The following YME1L1 variants were observed in gnomAD, a reference collection of about 807,000 sequenced individuals.
YME1L1 encodes the protein YME1 like 1 ATPase, also known as ATP-dependent zinc metalloprotease YME1L1.
Under a neutral mutation model 90.4 loss-of-function variants are expected in YME1L1, and 39 were observed. That is an observed-to-expected ratio of 0.43 (90% CI 0.33 to 0.56). YME1L1 has a LOEUF of 0.56. Among genes scored for constraint, YME1L1 ranks in the 20% least tolerant of loss-of-function variants. The pLI is 0.03. For missense variants in YME1L1, 617 were observed against 868.4 expected (o/e 0.71, Z 3.64); for synonymous variants, 284 against 287.3 (o/e 0.99, Z 0.12).
intron 8 of YME1L1, among the ~76,000 whole-genome samples, chr10:27,128,615 G>A (rs1183857810): frequency 6.6e-6 from 1 of 151,726 alleles, no homozygotes; most frequent in Non-Finnish European, 1.5e-5. Context: ...GAAAAAGAAA[G>A]ATAAATCAGC....
chr10:27,117,596 G>T lies in YME1L1; in HGVS notation c.1699C>A (p.Arg567=). 1 of 1,613,922 alleles carries T rather than the reference G, an allele frequency of 6.2e-7. No individual in the cohort carries two copies. Among genetic ancestry groups the T allele is most frequent in the South Asian group, 1.1e-5 (1 of 91,060 alleles). ...MPINKATIMP[R]GPTLGHVSLL... The stretch of plus-strand genomic sequence containing the variant: ...CTTACATGTCCAAGTGTTGGCCCCC[G>T]TGGCATGATTGTAGCTTTGTTGATA... Residue 567 remains arginine (R), a synonymous_variant, in exon 15 of 19, where the codon CGG becomes AGG. Transcript: ENST00000376016.
intron 9 of YME1L1, among the ~76,000 whole-genome samples, chr10:27,126,372 C>T (rs535965484): frequency 1.3e-5 from 2 of 152,006 alleles, no homozygotes; most frequent in African/African-American, 2.4e-5. Flanking sequence ...GTGGCTACAG[C>T]GAGCCATGAT....
intron 2 of YME1L1, among the ~76,000 whole-genome samples, chr10:27,148,026 G>A (rs2057165309): frequency 1.3e-5 from 2 of 152,220 alleles, no homozygotes; most frequent in South Asian, 2.1e-4. Context: ...CCTGGGGATG[G>A]AGAACTCTTC....
chr10:27,126,498 A>G (rs577540587), intron 9 of YME1L1, among the ~76,000 whole-genome samples, 198 bp downstream of exon 9: 1 of 152,208 alleles, frequency 6.6e-6, no homozygotes, highest in Admixed American at 6.5e-5. Flanking sequence ...TTTAAATTTG[A>G]AAGTATATAA....
intron 10 of YME1L1, 100 bp downstream of exon 10, chr10:27,123,446 AT>A: frequency 7.2e-7 from 1 of 1,390,982 alleles, no homozygotes; most frequent in Non-Finnish European, 9.8e-7. Flanking sequence ...AAAAATAGAA[AT>A]TAAAAAAAGG....
Position 27,111,969 on chromosome 10 carries a change from GAGAGTT to G in YME1L1, c.*2_*7del. The G allele has an allele frequency of 1.9e-6, 3 of 1,613,912 alleles. No homozygotes were observed. The highest frequency in any genetic ancestry group is 2.5e-6 in the Non-Finnish European group (3 of 1,179,976). ...TAAAACCAGCAAGCATCCATATCAA[GAGAGTT>G]ATCATCTCACTTCCAACTTTTTCCC... On this transcript the variant is annotated 3_prime_UTR_variant, in exon 19 of 19. Coordinates refer to ENST00000376016, the MANE Select transcript of YME1L1 (RefSeq NM_014263.4).
chr10:27,136,401 C>T lies in YME1L1; in HGVS notation c.431-16G>A. The T allele has an allele frequency of 3.2e-6, 5 of 1,582,116 alleles. No individual in the cohort carries two copies. Among genetic ancestry groups the T allele is most frequent in the Non-Finnish European group, 4.3e-6 (5 of 1,154,838 alleles). On this transcript the variant is annotated splice_polypyrimidine_tract_variant and intron_variant, in intron 4 of 18. Transcript: ENST00000376016. ...TGTATGAAAACTAAATAAAACAATA[C>T]CATTCACTGTCACTATAAATTGTTA...
Position 27,120,146 on chromosome 10 carries a change from A to G in YME1L1, c.1411+289T>C, listed in dbSNP as rs74128571. 2.5e-3 allele frequency among the ~76,000 whole-genome samples: 388 copies of G among 152,178 alleles called. 3 individuals are homozygous for G. Among genetic ancestry groups the G allele is most frequent in the African/African-American group, 8.8e-3 (366 of 41,520 alleles). Reference sequence around the variant, plus strand: ...TTTTTTAAATTATTTTGCATTTTACATTCATCTTAAAAAAATGTGTGTGTG... The same window carrying G: ...TTTTTTAAATTATTTTGCATTTTACGTTCATCTTAAAAAAATGTGTGTGTG... On this transcript the variant is annotated intron_variant, in intron 13 of 18. Transcript: ENST00000376016.
At chr10:27,146,013 C>G (rs1287446502) in intron 2 of YME1L1, 1 of 154,854 alleles carries the variant, frequency 6.5e-6, no homozygotes, top group Non-Finnish European at 1.4e-5. Context: ...TTTATAATGA[C>G]AAGAGTGTAA....
chr10:27,123,407 C>T (rs2056885979), intron 10 of YME1L1, 140 bp downstream of exon 10: 11 of 941,486 alleles, frequency 1.2e-5, no homozygotes, highest in Non-Finnish European at 1.7e-5. Context: ...TCAATCAAAA[C>T]TAATTAGCAT....
chr10:27,115,204 C>T (rs2056799931), intron 17 of YME1L1, among the ~76,000 whole-genome samples: 1 of 152,042 alleles, frequency 6.6e-6, no homozygotes, highest in South Asian at 2.1e-4. Context: ...AGTGAGCCAA[C>T]ATCACGCCAC....
chr10:27,147,320 CCT>C (rs917375857), intron 2 of YME1L1: 8 of 1,102,148 alleles, frequency 7.3e-6, no homozygotes, highest in Non-Finnish European at 1.0e-5. Context: ...AAAGCAAGAC[CCT>C]GTCTTTACAA....
Position 27,126,677 on chromosome 10 carries a change from TAAAG to T in YME1L1, c.949+15_949+18del, listed in dbSNP as rs776924908. ...TTTTGTTTTTTCCATCAAATCATGATAAAGAAAAGATATCTTACCTTTTGGAAGT... is the reference window on the plus strand; with the variant it reads ...TTTTGTTTTTTCCATCAAATCATGATAAAAGATATCTTACCTTTTGGAAGT... On this transcript the variant is annotated intron_variant, in intron 9 of 18. Coordinates refer to ENST00000376016, the MANE Select transcript of YME1L1 (RefSeq NM_014263.4). The T allele has an allele frequency of 9.8e-6, 13 of 1,328,272 alleles. No individual in the cohort carries two copies. Among genetic ancestry groups the T allele is most frequent in the Admixed American group, 9.7e-5 (4 of 41,080 alleles). 82.3% of individuals were successfully genotyped at this position (1,328,272 alleles called of 1,614,324 possible). A position where few individuals can be genotyped will look rare whatever the true frequency, so the allele number is the denominator to read the frequency against.
Position 27,145,565 on chromosome 10 carries a change from C to A in YME1L1, c.194G>T (p.Gly65Val). ...SEPSLNLRDL[G>V]LSELKIGQID... The stretch of plus-strand genomic sequence containing the variant: ...CTGTCCAATTTTTAGTTCAGATAAT[C>A]CAAGGTCCCTTAAGTTAAGTGAAGG... The change falls in exon 3 of 19, where the codon GGA becomes GTA. Residue 65 changes from glycine (G) to valine (V), a missense_variant. Coordinates refer to ENST00000376016, the MANE Select transcript of YME1L1 (RefSeq NM_014263.4). 1 of 1,613,026 alleles carries A rather than the reference C, an allele frequency of 6.2e-7. No homozygotes were observed. The highest frequency in any genetic ancestry group is 8.5e-7 in the Non-Finnish European group (1 of 1,179,400).
chr10:27,149,136 C>G, intron 1 of YME1L1, 96 bp from the exon 2 acceptor site: 1 of 1,078,134 alleles, frequency 9.3e-7, no homozygotes, highest in Non-Finnish European at 1.3e-6. Flanking sequence ...GTTAAAGGTA[C>G]ATTATATATC....
intron 8 of YME1L1, among the ~76,000 whole-genome samples, chr10:27,130,783 G>A (rs1292177890): frequency 1.3e-5 from 2 of 152,220 alleles, no homozygotes; most frequent in African/African-American, 4.8e-5. Context: ...AATCTGGGAG[G>A]TGGAGGTTGC....
At chr10:27,147,628 G>C in intron 2 of YME1L1, 1 of 1,554,346 alleles carries the variant, frequency 6.4e-7, no homozygotes, top group Non-Finnish European at 8.7e-7. Context: ...TTTGCCAATT[G>C]AAACAATGTT....
At chr10:27,143,984 C>T (rs906649062) in intron 3 of YME1L1, among the ~76,000 whole-genome samples, 1 of 152,086 alleles carries the variant, frequency 6.6e-6, no homozygotes, top group African/African-American at 2.4e-5. Context: ...GGGAAAAGAT[C>T]ATCAGCAGCA....
chr10:27,140,358 A>C (rs1030956069), intron 4 of YME1L1, among the ~76,000 whole-genome samples: 18 of 152,066 alleles, frequency 1.2e-4, no homozygotes, highest in Admixed American at 4.6e-4. Flanking sequence ...CCTCACCAAG[A>C]GTCTGATATA....
Sources: allele counts gnomAD v4.1 joint callset (sites outside exome capture counted in the v4.1 genomes callset), GRCh38; gene constraint gnomAD v4.1.1; transcripts MANE v1.5; gene names NCBI Gene and HGNC (gene_info 2026-07-23, HGNC 2026-07-21).